The following PLEKHA5 variants were observed in gnomAD, a reference collection of about 807,000 sequenced individuals.
The protein encoded by PLEKHA5 is pleckstrin homology domain-containing family A member 5.
A neutral mutation model predicts 181.9 loss-of-function variants in PLEKHA5; 55 were observed. The observed-to-expected ratio is 0.30, with a 90% CI of 0.24 to 0.38. PLEKHA5 has a LOEUF of 0.38. Among genes scored for constraint, PLEKHA5 ranks in the 10% least tolerant of loss-of-function variants. The probability of loss-of-function intolerance (pLI) is 1.00; values close to 1 mark genes in which losing one functional copy is unlikely to be tolerated. For synonymous variants in PLEKHA5, 535 were observed against 529.4 expected (o/e 1.01, Z -0.15); for missense variants, 1,432 against 1,549.5 (o/e 0.92, Z 1.27).
At chr12:19,359,882 C>A (rs572719319) in intron 28 of PLEKHA5, among the ~76,000 whole-genome samples, 1 of 151,476 alleles carries the variant, frequency 6.6e-6, no homozygotes, top group Non-Finnish European at 1.5e-5. Context: ...AGGAGAATGG[C>A]GTGAATCTGG....
At chr12:19,182,372 T>C (rs2048823363) in intron 3 of PLEKHA5, among the ~76,000 whole-genome samples, 1 of 152,220 alleles carries the variant, frequency 6.6e-6, no homozygotes, top group Non-Finnish European at 1.5e-5. Context: ...ATTAATCCTT[T>C]CCATCAATCC....
intron 3 of PLEKHA5, among the ~76,000 whole-genome samples, chr12:19,197,676 CTGTGTGTGTGTG>C (rs3056412): frequency 0.06 from 6,640 of 110,962 alleles, 213 homozygotes; most frequent in African/African-American, 0.093. Flanking sequence ...CTATCCGGTG[CTGTGTGTGTGTG>C]TGTGTGTGTG....
chr12:19,170,579 C>T (rs1199572979), intron 3 of PLEKHA5, among the ~76,000 whole-genome samples: 5 of 152,012 alleles, frequency 3.3e-5, no homozygotes, highest in Non-Finnish European at 7.4e-5. Flanking sequence ...GCCACCACGC[C>T]CAACTAATTT....
Position 19,167,495 on chromosome 12 carries a change from T to C in PLEKHA5, c.227+35045T>C, listed in dbSNP as rs541961317. 2.7e-5 allele frequency among the ~76,000 whole-genome samples: 4 copies of C among 150,776 alleles called. No individual in the cohort carries two copies. The East Asian group carries it at 5.9e-4, about 22-fold the overall frequency. On this transcript the variant is annotated intron_variant, in intron 3 of 31. Transcript: ENST00000429027. Reference sequence around the variant, plus strand: ...ATTTTGTGTGTGCGTGATTCTTAGTTATGCTGACAGCTTTCAGGTTTTGAA... The same window carrying C: ...ATTTTGTGTGTGCGTGATTCTTAGTCATGCTGACAGCTTTCAGGTTTTGAA...
At chr12:19,249,287 A>G (rs2064618512) in intron 3 of PLEKHA5, among the ~76,000 whole-genome samples, 1 of 152,190 alleles carries the variant, frequency 6.6e-6, no homozygotes, top group African/African-American at 2.4e-5. Flanking sequence ...TATTAAGTAA[A>G]GTAAAGGTTG....
intron 27 of PLEKHA5, 114 bp from the exon 28 acceptor site, chr12:19,359,295 ACTT>A (rs1305059341): frequency 1.2e-5 from 10 of 818,618 alleles, no homozygotes; most frequent in Admixed American, 5.1e-5. Flanking sequence ...TCATAGGAAA[ACTT>A]CTTCATGAGT....
intron 31 of PLEKHA5, chr12:19,372,510 C>G (rs1445105175): frequency 4.0e-5 from 6 of 150,532 alleles, no homozygotes; most frequent in African/African-American, 1.5e-4. Context: ...TTTCTGGAAT[C>G]TACTTCCTTT....
intron 2 of PLEKHA5, among the ~76,000 whole-genome samples, chr12:19,131,660 T>C (rs1282399136): frequency 1.3e-5 from 2 of 152,184 alleles, no homozygotes; most frequent in Non-Finnish European, 2.9e-5. Context: ...TTTTATTCTT[T>C]TATGTGATTT....
intron 21 of PLEKHA5, among the ~76,000 whole-genome samples, chr12:19,341,094 G>A (rs374901786): frequency 3.7e-4 from 56 of 152,182 alleles, no homozygotes; most frequent in African/African-American, 1.2e-3. Context: ...CCAACATGGC[G>A]AAACCTCATC....
intron 20 of PLEKHA5, among the ~76,000 whole-genome samples, chr12:19,329,722 T>C (rs2092658385): frequency 6.6e-6 from 1 of 152,132 alleles, no homozygotes; most frequent in Non-Finnish European, 1.5e-5. Flanking sequence ...GATCTTCTTT[T>C]TTTCTTTATT....
chr12:19,375,075 G>A (rs2095683359), intron 31 of PLEKHA5, among the ~76,000 whole-genome samples: 1 of 151,976 alleles, frequency 6.6e-6, no homozygotes, highest in Non-Finnish European at 1.5e-5. Flanking sequence ...TGTAATCCTA[G>A]CACTTTGGGA....
intron 22 of PLEKHA5, 26 bp downstream of exon 22, chr12:19,343,460 G>T (rs1295079144): frequency 1.6e-6 from 2 of 1,266,490 alleles, no homozygotes; most frequent in Non-Finnish European, 2.3e-6. Context: ...ATTTTATTTT[G>T]TGACTGACCA....
chr12:19,278,575 AG>A (rs2075233254), intron 11 of PLEKHA5, among the ~76,000 whole-genome samples: 1 of 152,136 alleles, frequency 6.6e-6, no homozygotes, highest in Non-Finnish European at 1.5e-5. Context: ...CTTTAGTACT[AG>A]GGCAGTCTCT....
intron 16 of PLEKHA5, among the ~76,000 whole-genome samples, chr12:19,316,387 G>A (rs926107788): frequency 2.0e-5 from 3 of 151,798 alleles, no homozygotes; most frequent in African/African-American, 7.3e-5. Context: ...AGTTCTAATT[G>A]GGGTTTTCCC....
At chr12:19,177,019 C>T (rs1217905879) in intron 3 of PLEKHA5, among the ~76,000 whole-genome samples, 1 of 152,012 alleles carries the variant, frequency 6.6e-6, no homozygotes, top group Non-Finnish European at 1.5e-5. Flanking sequence ...AGGCACGCAC[C>T]ACCACACCCA....
rs1234289948 is a variant in PLEKHA5, at chr12:19,283,578, A to G, written c.1612A>G (p.Asn538Asp). Reference protein sequence around the residue: ...STLSSPKTMVNISDQTMHSIP... With the variant: ...STLSSPKTMVDISDQTMHSIP... ...TTTGAGTAGTCCCAAAACCATGGTAAATATTTCTGACCAGACAATGCACTC... is the reference window on the plus strand; with the variant it reads ...TTTGAGTAGTCCCAAAACCATGGTAGATATTTCTGACCAGACAATGCACTC... Residue 538 changes from asparagine to aspartate, a missense_variant, in exon 12 of 32, where the codon AAT becomes GAT. Physicochemically the swap from Asn to Asp is conservative, Grantham distance 23 (BLOSUM62 1). This residue lies in a region of PLEKHA5 where 1,143 missense variants were observed against 1,168.4 expected (regional missense o/e 0.98). Transcript: ENST00000429027. The G allele has an allele frequency of 6.2e-7, 1 of 1,614,150 alleles. No homozygotes were observed. Among genetic ancestry groups the G allele is most frequent in the Non-Finnish European group, 8.5e-7 (1 of 1,180,028 alleles).
chr12:19,212,687 TTTAATC>T (rs1157057000), intron 3 of PLEKHA5, among the ~76,000 whole-genome samples: 1 of 152,172 alleles, frequency 6.6e-6, no homozygotes, highest in African/African-American at 2.4e-5. Flanking sequence ...TTAGTTTAGC[TTTAATC>T]TTAAATATTT....
intron 15 of PLEKHA5, among the ~76,000 whole-genome samples, chr12:19,312,437 C>T (rs560238793): frequency 1.3e-5 from 2 of 152,340 alleles, no homozygotes; most frequent in South Asian, 4.1e-4. Context: ...ATTCAGCCAC[C>T]TTCTTCAGTT....
At chr12:19,341,972 A>G (rs936943160) in intron 21 of PLEKHA5, among the ~76,000 whole-genome samples, 14 of 152,114 alleles carry the variant, frequency 9.2e-5, no homozygotes, top group South Asian at 2.1e-4. Flanking sequence ...AGCTTAAGCA[A>G]TCCACCCACT....
Sources: gnomAD v4.1 joint callset for allele counts (sites outside exome capture counted in the v4.1 genomes callset) on GRCh38, gnomAD v4.1.1 for gene constraint, gnomAD v4.1.1 regional missense constraint, MANE v1.5 for transcripts, NCBI Gene and HGNC (gene_info 2026-07-23, HGNC 2026-07-21) for gene names.